MYDGF: variants seen among roughly 807,000 people sequenced by gnomAD.
MYDGF encodes myeloid derived growth factor.
MYDGF carries 29 observed loss-of-function variants against 24.2 expected under a neutral mutation model. That is an observed-to-expected ratio of 1.20 (90% confidence interval 0.89 to 1.63). The LOEUF is 1.63. Among genes scored for constraint, MYDGF ranks in the 40% most tolerant of loss-of-function variants. The probability of loss-of-function intolerance (pLI) is 0.00; values close to 1 mark genes in which losing one functional copy is unlikely to be tolerated. For missense variants in MYDGF, 245 were observed against 234.8 expected, an observed-to-expected ratio of 1.04 and a Z score of -0.29; for synonymous variants, 105 against 102.5, an observed-to-expected ratio of 1.02 and a Z score of -0.15.
In MYDGF at chr19:4,664,920, C is replaced by T. The variant is rs2088509171; in HGVS notation, c.243G>A (p.Leu81=). ...GGTNEQWQMS[L]GTSEDHQHFT... ...AGTGCTGGTGGTCTTCGCTGGTCCCCAGACTCATCTGCCATTGCTGGGGAG... is the reference window on the plus strand; with the variant it reads ...AGTGCTGGTGGTCTTCGCTGGTCCCTAGACTCATCTGCCATTGCTGGGGAG... Residue 81 remains leucine, a synonymous_variant, in exon 3 of 6, where the codon CTG becomes CTA. Coordinates refer to ENST00000262947, the MANE Select transcript of MYDGF (RefSeq NM_019107.4). 1.4e-5 allele frequency: 22 copies of T among 1,612,938 alleles called. No homozygotes were observed. Among genetic ancestry groups the T allele is most frequent in the Non-Finnish European group, 1.9e-5 (22 of 1,179,832 alleles).
At chr19:4,666,174 G>A (rs1409122316) in intron 2 of MYDGF, among the ~76,000 whole-genome samples, 5 of 151,994 alleles carry the variant, frequency 3.3e-5, no homozygotes, top group East Asian at 1.9e-4. Context: ...CCTCTTGCAC[G>A]ATGTTACCAC....
At chr19:4,658,374 G>A (rs2088440392) in intron 5 of MYDGF, among the ~76,000 whole-genome samples, 1 of 152,196 alleles carries the variant, frequency 6.6e-6, no homozygotes, top group Non-Finnish European at 1.5e-5. Context: ...TTGTCAAGAA[G>A]AGATGCAGAA....
At chr19:4,660,490 G>A in intron 4 of MYDGF, 179 bp downstream of exon 4, 3 of 579,276 alleles carry the variant, frequency 5.2e-6, no homozygotes, top group East Asian at 6.0e-5. Flanking sequence ...AAACCCCCGT[G>A]CCCCTGGCCT....
At chr19:4,668,394 G>T (rs2088536411) in intron 2 of MYDGF, among the ~76,000 whole-genome samples, 1 of 152,148 alleles carries the variant, frequency 6.6e-6, no homozygotes, top group Non-Finnish European at 1.5e-5. Flanking sequence ...CCAGACATTT[G>T]CTTGCTCTGT....
At chr19:4,662,578 C>G (rs1216317244) in intron 3 of MYDGF, among the ~76,000 whole-genome samples, 2 of 152,070 alleles carry the variant, frequency 1.3e-5, no homozygotes, top group Admixed American at 1.3e-4. Context: ...GGGGCAGAAT[C>G]GGGCGGTGTC....
intron 3 of MYDGF, 65 bp downstream of exon 3, chr19:4,664,811 C>G: frequency 6.4e-7 from 1 of 1,563,834 alleles, no homozygotes; most frequent in African/African-American, 1.4e-5. Flanking sequence ...CCTTCCAAAG[C>G]AGCTCCTGAG....
intron 2 of MYDGF, among the ~76,000 whole-genome samples, chr19:4,666,619 G>A (rs1398651215): frequency 6.6e-6 from 1 of 152,044 alleles, no homozygotes; most frequent in Non-Finnish European, 1.5e-5. Flanking sequence ...CCCACTTCTG[G>A]GTGGTTTTCC....
At chr19:4,665,322 A>T (rs1413078598) in intron 2 of MYDGF, among the ~76,000 whole-genome samples, 3 of 152,144 alleles carry the variant, frequency 2.0e-5, no homozygotes, top group African/African-American at 7.2e-5. Context: ...TCCTGGGCTC[A>T]AGCGATCCTC....
In MYDGF at chr19:4,657,878, C is replaced by G; in HGVS notation, c.*127G>C. On this transcript the variant is annotated 3_prime_UTR_variant, in exon 6 of 6. Coordinates refer to ENST00000262947, the MANE Select transcript of MYDGF (RefSeq NM_019107.4). ...CTGCAAGCCCCTCCGGACAAGGCAA[C>G]GTCAGCCCAGGTAGAAAACTTAAGA... The G allele has an allele frequency of 1.1e-6, 1 of 883,212 alleles. No homozygotes were observed. The highest frequency in any genetic ancestry group is 1.7e-6 in the Non-Finnish European group (1 of 592,084). The allele number at this position is 883,212 out of a possible 1,614,324, so 54.7% of individuals were successfully genotyped here.
At chr19:4,662,500 G>A (rs758288238) in intron 3 of MYDGF, among the ~76,000 whole-genome samples, 7 of 152,184 alleles carry the variant, frequency 4.6e-5, no homozygotes, top group Non-Finnish European at 8.8e-5. Flanking sequence ...GTGGGGTTAC[G>A]AGAATGAGTG....
At chr19:4,669,801 A>G (rs1193288942) in intron 1 of MYDGF, among the ~76,000 whole-genome samples, 1 of 152,070 alleles carries the variant, frequency 6.6e-6, no homozygotes, top group Non-Finnish European at 1.5e-5. Flanking sequence ...CAGGCCCAGG[A>G]GGGCAGATGC....
chr19:4,657,989 G>T lies in MYDGF; in HGVS notation c.*16C>A. The T allele has an allele frequency of 1.2e-6, 2 of 1,601,202 alleles. No homozygotes were observed. The highest frequency in any genetic ancestry group is 1.7e-6 in the Non-Finnish European group (2 of 1,174,922). On this transcript the variant is annotated 3_prime_UTR_variant, in exon 6 of 6. Coordinates refer to ENST00000262947, the MANE Select transcript of MYDGF (RefSeq NM_019107.4). ...CACCGGAGATGAGAAGGTGCCACCC[G>T]CAACAGGGCTGCTGGTCACAGCTCA...
intron 3 of MYDGF, among the ~76,000 whole-genome samples, chr19:4,663,077 C>T (rs2088483132): frequency 6.6e-6 from 1 of 150,804 alleles, no homozygotes; most frequent in Non-Finnish European, 1.5e-5. Context: ...CACCCCACTC[C>T]ATCCTCATTC....
intron 2 of MYDGF, among the ~76,000 whole-genome samples, chr19:4,667,339 A>C (rs2088529783): frequency 6.6e-6 from 1 of 152,066 alleles, no homozygotes; most frequent in Non-Finnish European, 1.5e-5. Context: ...CGTGTTAGCC[A>C]GGATGGTCTC....
chr19:4,668,562 A>G (rs767040183), intron 2 of MYDGF, 33 bp downstream of exon 2: 2 of 1,585,498 alleles, frequency 1.3e-6, no homozygotes, highest in Non-Finnish European at 1.7e-6. Flanking sequence ...GGATACTGTC[A>G]CAGTAAGCTA....
intron 4 of MYDGF, 80 bp from the exon 5 acceptor site, chr19:4,660,083 A>G: frequency 1.5e-6 from 2 of 1,361,302 alleles, no homozygotes; most frequent in Admixed American, 3.4e-5. Context: ...TGCTTTCCAG[A>G]GAAGCACAGA....
chr19:4,663,367 T>TGTGC, intron 3 of MYDGF, among the ~76,000 whole-genome samples: 1 of 139,746 alleles, frequency 7.2e-6, no homozygotes, highest in African/African-American at 2.7e-5. Context: ...GCATCCAATC[T>TGTGC]ACTCTCCCCA....
At chr19:4,665,405 A>AT (rs1291867190) in intron 2 of MYDGF, among the ~76,000 whole-genome samples, 6 of 152,054 alleles carry the variant, frequency 3.9e-5, no homozygotes, top group African/African-American at 1.2e-4. Context: ...CTGTCTTGCC[A>AT]TATTGCCCAG....
At chr19:4,666,555 C>T (rs970644591) in intron 2 of MYDGF, among the ~76,000 whole-genome samples, 8 of 150,934 alleles carry the variant, frequency 5.3e-5, no homozygotes, top group South Asian at 2.2e-4. Context: ...GGATTACAGG[C>T]GTGAGCCACC....
Sources: allele counts gnomAD v4.1 joint callset (sites outside exome capture counted in the v4.1 genomes callset), GRCh38; gene constraint gnomAD v4.1.1; transcripts MANE v1.5; gene names NCBI Gene and HGNC (gene_info 2026-07-23, HGNC 2026-07-21).